MPPED2: variants seen among roughly 807,000 people sequenced by gnomAD.
The protein encoded by MPPED2 is metallophosphoesterase domain containing 2.
In MPPED2, 5 loss-of-function variants were observed where a neutral mutation model predicts 33.0. That is an observed-to-expected ratio of 0.15 (90% confidence interval 0.08 to 0.32). MPPED2 has a LOEUF of 0.32. MPPED2 is among the 10% of genes least tolerant of loss of function. MPPED2 has a pLI of 1.00. For missense variants in MPPED2, 275 were observed against 372.1 expected, an observed-to-expected ratio of 0.74 and a Z score of 2.15; for synonymous variants, 136 against 141.9, an observed-to-expected ratio of 0.96 and a Z score of 0.29.
intron 5 of MPPED2, among the ~76,000 whole-genome samples, chr11:30,415,407 A>G (rs989089234): frequency 2.0e-5 from 3 of 152,190 alleles, no homozygotes; most frequent in African/African-American, 7.2e-5. Context: ...TTTTTCCTGA[A>G]GGGGGAAAAT....
At chr11:30,547,504 T>A (rs552168046) in intron 2 of MPPED2, among the ~76,000 whole-genome samples, 52 of 152,328 alleles carry the variant, frequency 3.4e-4, no homozygotes, top group African/African-American at 1.2e-3. Flanking sequence ...CAAACTTCAC[T>A]TAAGGTCAAA....
intron 2 of MPPED2, among the ~76,000 whole-genome samples, chr11:30,542,369 T>A (rs1333284926): frequency 1.3e-5 from 2 of 148,820 alleles, no homozygotes; most frequent in Non-Finnish European, 3.0e-5. Context: ...ATCCCAGCAC[T>A]TTGGGAGGCT....
chr11:30,450,379 T>A (rs1252398084), intron 4 of MPPED2, among the ~76,000 whole-genome samples: 1 of 152,252 alleles, frequency 6.6e-6, no homozygotes, highest in Non-Finnish European at 1.5e-5. Flanking sequence ...TATAAGTTAT[T>A]CCTTTATTTC....
At chr11:30,534,368 T>G (rs1187150256) in intron 3 of MPPED2, among the ~76,000 whole-genome samples, 1 of 152,196 alleles carries the variant, frequency 6.6e-6, no homozygotes, top group Non-Finnish European at 1.5e-5. Flanking sequence ...AAGAGATTAT[T>G]GTAGAGAAAA....
intron 3 of MPPED2, among the ~76,000 whole-genome samples, chr11:30,535,413 A>T (rs1425925588): frequency 1.3e-5 from 2 of 152,112 alleles, no homozygotes; most frequent in African/African-American, 4.8e-5. Flanking sequence ...AATTGCTATT[A>T]TCCTTTTTAC....
intron 6 of MPPED2, among the ~76,000 whole-genome samples, chr11:30,399,946 T>A (rs1947887667): frequency 1.3e-5 from 2 of 152,252 alleles, no homozygotes; most frequent in African/African-American, 2.4e-5. Flanking sequence ...ACATTTAAAG[T>A]ATTAAGCTTG....
chr11:30,442,138 G>C (rs1247055406), intron 4 of MPPED2, among the ~76,000 whole-genome samples: 1 of 152,154 alleles, frequency 6.6e-6, no homozygotes, highest in East Asian at 1.9e-4. Context: ...AGAATGTGAA[G>C]AAGAACAGAG....
At chr11:30,521,751 G>A (rs750727044) in intron 3 of MPPED2, among the ~76,000 whole-genome samples, 5 of 152,100 alleles carry the variant, frequency 3.3e-5, no homozygotes, top group African/African-American at 7.2e-5. Context: ...TCGTTTCCAC[G>A]TGGCTACTAG....
intron 3 of MPPED2, among the ~76,000 whole-genome samples, chr11:30,499,096 CA>C (rs1423635319): frequency 6.6e-6 from 1 of 152,174 alleles, no homozygotes; most frequent in Non-Finnish European, 1.5e-5. Flanking sequence ...GCAGCCATCA[CA>C]AAATTTGTCC....
intron 3 of MPPED2, among the ~76,000 whole-genome samples, chr11:30,522,666 C>T (rs1290685767): frequency 1.3e-5 from 2 of 152,192 alleles, no homozygotes; most frequent in African/African-American, 4.8e-5. Context: ...CCACTTTCAC[C>T]TCTCTAGGCT....
At chr11:30,542,216 T>A (rs961185046) in intron 2 of MPPED2, among the ~76,000 whole-genome samples, 2 of 152,192 alleles carry the variant, frequency 1.3e-5, no homozygotes, top group Admixed American at 1.3e-4. Flanking sequence ...AGATGCTTAA[T>A]AGTTTTTACA....
At chr11:30,449,123 A>T (rs745349612) in intron 4 of MPPED2, among the ~76,000 whole-genome samples, 11 of 152,118 alleles carry the variant, frequency 7.2e-5, no homozygotes, top group Non-Finnish European at 1.5e-4. Context: ...TTATTCCTTA[A>T]TCTATATCCA....
intron 3 of MPPED2, chr11:30,504,682 C>T (rs1952736739): frequency 7.8e-6 from 7 of 899,972 alleles, no homozygotes; most frequent in Middle Eastern, 2.5e-4. Flanking sequence ...GTCTGTCCCC[C>T]GTCAGGCTCC....
chr11:30,464,268 A>AACACACACACACACACACACACAC (rs10660237), intron 4 of MPPED2, among the ~76,000 whole-genome samples: 1 of 145,916 alleles, frequency 6.9e-6, no homozygotes, highest in Non-Finnish European at 1.5e-5. Flanking sequence ...AAAGGATACT[A>AACACACACACACACACACACACAC]ACACACACAC....
At chr11:30,507,852 G>A (rs1448107854) in intron 3 of MPPED2, among the ~76,000 whole-genome samples, 1 of 152,138 alleles carries the variant, frequency 6.6e-6, no homozygotes, top group Non-Finnish European at 1.5e-5. Context: ...CTGGTATGAA[G>A]CAGTAAAAAG....
At chr11:30,405,489 A>T (rs998040068), downstream of MPPED2, among the ~76,000 whole-genome samples, 2 of 152,152 alleles carry the variant, frequency 1.3e-5, no homozygotes, top group East Asian at 1.9e-4. Flanking sequence ...TCTCACCATT[A>T]TCCAGATATA....
At chr11:30,500,601 T>A (rs985445648) in intron 3 of MPPED2, among the ~76,000 whole-genome samples, 3 of 152,192 alleles carry the variant, frequency 2.0e-5, no homozygotes, top group Non-Finnish European at 2.9e-5. Context: ...ACCTACCTCA[T>A]GAGTTTTGGC....
At chr11:30,388,693 G>T (rs879279752) in exon 7 of MPPED2, 5 of 561,616 alleles carry the variant, frequency 8.9e-6, no homozygotes, top group African/African-American at 1.9e-5. Context: ...GCCCTCCTCC[G>T]CAGTCTTTCC....
chr11:30,508,651 T>C (rs1025303634), intron 3 of MPPED2, among the ~76,000 whole-genome samples: 1 of 152,210 alleles, frequency 6.6e-6, no homozygotes, highest in Non-Finnish European at 1.5e-5. Flanking sequence ...CTCATCAAAA[T>C]ACAAATCTGA....
Sources: allele counts gnomAD v4.1 joint callset (sites outside exome capture counted in the v4.1 genomes callset), GRCh38; gene constraint gnomAD v4.1.1; transcripts MANE v1.5; gene names NCBI Gene and HGNC (gene_info 2026-07-23, HGNC 2026-07-21).